ADAM32: variants seen among roughly 807,000 people sequenced by gnomAD.
ADAM32 encodes ADAM metallopeptidase domain 32.
Under a neutral mutation model 114.9 loss-of-function variants are expected in ADAM32, and 89 were observed. The observed-to-expected ratio is 0.77, with a 90% CI of 0.65 to 0.92. ADAM32 has a LOEUF of 0.92. ADAM32 is among the 40% of genes least tolerant of loss of function. The pLI is 0.00. For synonymous variants in ADAM32, 285 were observed against 307.5 expected (o/e 0.93, Z 0.77); for missense variants, 870 against 932.8 (o/e 0.93, Z 0.88).
Position 39,217,381 on chromosome 8 carries a change from G to T in ADAM32, c.1234-4229G>T, listed in dbSNP as rs750750841. Among the ~76,000 whole-genome samples the T allele has an allele frequency of 5.9e-5, 9 of 151,850 alleles. No homozygotes were observed. In the South Asian group the frequency reaches 1.0e-3, roughly 17 times the overall value. On this transcript the variant is annotated intron_variant, in intron 12 of 24. Transcript: ENST00000379907. The stretch of plus-strand genomic sequence containing the variant: ...CTGCTTGGTGTTCTATAACCTTCTT[G>T]TACTTGGATATTGATATCTTTCTCT...
At chr8:39,121,214 C>T (rs759149297) in intron 2 of ADAM32, among the ~76,000 whole-genome samples, 6 of 152,066 alleles carry the variant, frequency 3.9e-5, no homozygotes, top group Admixed American at 6.6e-5. Flanking sequence ...GGATCAGAGA[C>T]GGGATTACAT....
At chr8:39,199,868 G>A (rs1325446833) in intron 11 of ADAM32, among the ~76,000 whole-genome samples, 17 of 151,014 alleles carry the variant, frequency 1.1e-4, no homozygotes, top group African/African-American at 3.9e-4. Flanking sequence ...GAGAACATGC[G>A]GTGTTTGGTT....
intron 16 of ADAM32, 23 bp from the exon 17 acceptor site, chr8:39,246,060 T>G: frequency 6.2e-7 from 1 of 1,605,680 alleles, no homozygotes; most frequent in Non-Finnish European, 8.5e-7. Flanking sequence ...ATGGGAACTT[T>G]TTTTGTATGT....
chr8:39,271,987 C>G (rs1441382456), intron 20 of ADAM32, among the ~76,000 whole-genome samples: 2 of 150,226 alleles, frequency 1.3e-5, no homozygotes, highest in Non-Finnish European at 1.5e-5. Context: ...AAAAAAATAG[C>G]CAGGCATGGT....
chr8:39,120,027 G>A (rs1444990587), intron 2 of ADAM32, among the ~76,000 whole-genome samples: 8 of 152,218 alleles, frequency 5.3e-5, no homozygotes, highest in Admixed American at 4.6e-4. Flanking sequence ...ACAACAAGAA[G>A]GCAGCTGTCT....
At chr8:39,184,941 C>T (rs538397092) in intron 10 of ADAM32, among the ~76,000 whole-genome samples, 6 of 152,220 alleles carry the variant, frequency 3.9e-5, no homozygotes, top group Admixed American at 2.0e-4. Flanking sequence ...TAAGCTGTGC[C>T]GCATGGCCTG....
At chr8:39,253,697 G>T (rs181491591) in intron 17 of ADAM32, among the ~76,000 whole-genome samples, 1 of 151,522 alleles carries the variant, frequency 6.6e-6, no homozygotes, top group Admixed American at 6.6e-5. Context: ...AAATACTTAG[G>T]TTTAAAACAA....
chr8:39,275,080 T>A (rs1812990299), intron 21 of ADAM32, among the ~76,000 whole-genome samples: 1 of 152,222 alleles, frequency 6.6e-6, no homozygotes. Context: ...CATCTCTACT[T>A]CTGAAGCAAT....
chr8:39,212,671 A>G (rs1218784341), intron 12 of ADAM32, among the ~76,000 whole-genome samples: 1 of 152,140 alleles, frequency 6.6e-6, no homozygotes, highest in Non-Finnish European at 1.5e-5. Context: ...TTTGAGTAAT[A>G]TTTAATTGTG....
At chr8:39,140,730 A>G (rs1438022103) in intron 3 of ADAM32, among the ~76,000 whole-genome samples, 3 of 152,152 alleles carry the variant, frequency 2.0e-5, no homozygotes, top group African/African-American at 7.2e-5. Context: ...AAGGAATGGT[A>G]CCAGCTACTC....
At chr8:39,271,460 C>CAAAA (rs33982521) in intron 20 of ADAM32, among the ~76,000 whole-genome samples, 13 of 110,286 alleles carry the variant, frequency 1.2e-4, no homozygotes, top group African/African-American at 2.4e-4. Context: ...CTTAACCTTA[C>CAAAA]AAAAAAAAAA....
chr8:39,172,033 A>G (rs1267806232), intron 10 of ADAM32, among the ~76,000 whole-genome samples: 3 of 151,174 alleles, frequency 2.0e-5, no homozygotes, highest in Non-Finnish European at 2.9e-5. Context: ...ATTTTATAGT[A>G]TTATAAATAT....
intron 16 of ADAM32, among the ~76,000 whole-genome samples, chr8:39,236,578 CT>C (rs1353341404): frequency 1.3e-5 from 2 of 152,108 alleles, no homozygotes; most frequent in African/African-American, 4.8e-5. Flanking sequence ...TCTTTATCCC[CT>C]ACTCCCCCAC....
chr8:39,222,225 A>G (rs75840105), intron 13 of ADAM32, among the ~76,000 whole-genome samples: 33,836 of 151,704 alleles, frequency 0.22, 4,248 homozygotes, highest in Non-Finnish European at 0.27. Context: ...GAAGACATTG[A>G]CTCCTGTTTT....
At chr8:39,108,883 T>C (rs1202819500) in intron 1 of ADAM32, among the ~76,000 whole-genome samples, 4 of 152,164 alleles carry the variant, frequency 2.6e-5, no homozygotes, top group Non-Finnish European at 4.4e-5. Flanking sequence ...CACAGGACCT[T>C]TTCTTTGTGT....
In ADAM32 at chr8:39,114,098, A is replaced by G. The variant is rs534890496; in HGVS notation, c.59-3988A>G. Among the ~76,000 whole-genome samples the G allele has an allele frequency of 5.4e-4, 82 of 152,324 alleles. No homozygotes were observed. In the Middle Eastern group the frequency reaches 0.014, roughly 25 times the overall value. On this transcript the variant is annotated intron_variant, in intron 1 of 24. Transcript: ENST00000379907. Reference sequence around the variant, plus strand: ...CACAAAATCTATAACTTCGTTCACCATTGATGGATCCAGGTCACAATTTAT... The same window carrying G: ...CACAAAATCTATAACTTCGTTCACCGTTGATGGATCCAGGTCACAATTTAT...
At chr8:39,173,885 C>A (rs898670019) in intron 10 of ADAM32, among the ~76,000 whole-genome samples, 1 of 152,058 alleles carries the variant, frequency 6.6e-6, no homozygotes, top group Non-Finnish European at 1.5e-5. Flanking sequence ...AGTGCAGTGG[C>A]ACAATCTAGG....
chr8:39,182,748 A>G (rs758220183), intron 10 of ADAM32, among the ~76,000 whole-genome samples: 1 of 152,152 alleles, frequency 6.6e-6, no homozygotes, highest in Non-Finnish European at 1.5e-5. Flanking sequence ...GAGCTTTATT[A>G]GTTTCTTTCT....
At position 39,223,127 on chromosome 8, in the gene ADAM32, G is replaced by C. The variant is rs1046471476; in HGVS notation, c.1414G>C (p.Gly472Arg). ...ENCNGTSPEC[G>R]PDITLINGLS... ...TTGTAATGGAACCTCACCAGAATGTGGTCCTGACATAACTTTAATCAATGG... is the reference window on the plus strand; with the variant it reads ...TTGTAATGGAACCTCACCAGAATGTCGTCCTGACATAACTTTAATCAATGG... The change falls in exon 14 of 25, where the codon GGT becomes CGT. Residue 472 changes from glycine (G) to arginine (R), a missense_variant. Gly to Arg is a moderately radical substitution (Grantham distance 125). Coordinates refer to ENST00000379907, the MANE Select transcript of ADAM32 (RefSeq NM_145004.7). The C allele has an allele frequency of 1.3e-6, 2 of 1,597,428 alleles. No individual in the cohort carries two copies. Among genetic ancestry groups the C allele is most frequent in the Non-Finnish European group, 1.7e-6 (2 of 1,172,144 alleles).
Sources: allele counts gnomAD v4.1 joint callset (sites outside exome capture counted in the v4.1 genomes callset), GRCh38; gene constraint gnomAD v4.1.1; transcripts MANE v1.5; gene names NCBI Gene and HGNC (gene_info 2026-07-23, HGNC 2026-07-21).